Variants in SETBP1 observed in about 807,000 individuals in gnomAD.
SETBP1 encodes the protein SET binding protein 1.
A neutral mutation model predicts 101.0 loss-of-function variants in SETBP1; 9 were observed. That is an observed-to-expected ratio of 0.09 (90% confidence interval 0.05 to 0.16). The LOEUF is 0.16. Among genes scored for constraint, SETBP1 ranks in the 10% least tolerant of loss-of-function variants. The pLI is 1.00. For missense variants in SETBP1, 1,858 were observed against 2,033.8 expected (o/e 0.91, Z 1.66); for synonymous variants, 818 against 788.5 (o/e 1.04, Z -0.63).
At chr18:44,757,105 A>T (rs780516019) in intron 2 of SETBP1, among the ~76,000 whole-genome samples, 31 of 152,064 alleles carry the variant, frequency 2.0e-4, no homozygotes, top group Non-Finnish European at 3.5e-4. Context: ...ATCCAAGATA[A>T]GATACAGTTG....
At chr18:45,018,625 T>C (rs1568031106) in intron 4 of SETBP1, among the ~76,000 whole-genome samples, 1 of 152,228 alleles carries the variant, frequency 6.6e-6, no homozygotes, top group Non-Finnish European at 1.5e-5. Flanking sequence ...TGTTATGTGC[T>C]GGATAGATTT....
chr18:44,950,610 A>C lies in SETBP1; in HGVS notation c.1270A>C (p.Ile424Leu). 1.2e-6 allele frequency: 2 copies of C among 1,614,152 alleles called. No homozygotes were observed. The highest frequency in any genetic ancestry group is 1.7e-6 in the Non-Finnish European group (2 of 1,180,038). ...TNHKRKKRQS[I>L]KAVVEKIMPE... Reference sequence around the variant, plus strand: ...CCATAAGAGGAAAAAAAGACAGTCCATTAAAGCGGTGGTGGAAAAGATCAT... The same window carrying C: ...CCATAAGAGGAAAAAAAGACAGTCCCTTAAAGCGGTGGTGGAAAAGATCAT... Residue 424 changes from isoleucine to leucine, a missense_variant, in exon 4 of 6, where the codon ATT becomes CTT. By Grantham distance (5) the Ile-to-Leu change is conservative. Coordinates refer to ENST00000649279, the MANE Select transcript of SETBP1 (RefSeq NM_015559.3).
intron 4 of SETBP1, 127 bp downstream of exon 4, chr18:44,953,467 T>G: frequency 1.2e-6 from 1 of 804,718 alleles, no homozygotes; most frequent in Non-Finnish European, 2.1e-6. Context: ...TTAAAATGGG[T>G]CTCCTTGCAC....
At chr18:44,696,723 C>T (rs1380545685) in intron 1 of SETBP1, among the ~76,000 whole-genome samples, 1 of 152,180 alleles carries the variant, frequency 6.6e-6, no homozygotes, top group Non-Finnish European at 1.5e-5. Context: ...ACTTTCGTCC[C>T]AACCCATTCA....
chr18:45,007,996 C>T (rs1214738003), intron 4 of SETBP1, among the ~76,000 whole-genome samples: 1 of 152,138 alleles, frequency 6.6e-6, no homozygotes, highest in Non-Finnish European at 1.5e-5. Flanking sequence ...CTTCAGAGCT[C>T]CTGAGATACC....
At chr18:45,044,456 C>T (rs920142495) in intron 5 of SETBP1, among the ~76,000 whole-genome samples, 11 of 152,296 alleles carry the variant, frequency 7.2e-5, no homozygotes, top group East Asian at 1.9e-4. Flanking sequence ...CCAAGGGACT[C>T]GGCAGGGTTG....
Position 44,951,826 on chromosome 18 carries a change from T to G in SETBP1, c.2486T>G (p.Leu829Arg). Residue 829 changes from leucine to arginine, a missense_variant, in exon 4 of 6, where the codon CTG becomes CGG. Physicochemically the swap from Leu to Arg is moderately radical, Grantham distance 102. Transcript: ENST00000649279. The surrounding 1 kb of genome is among the most constrained non-coding windows in gnomAD (Gnocchi z 7.8). The part of the protein sequence containing the change: ...QKGIHSGTWK[L>R]SPPRLMANSP... ...GGAATACACAGTGGAACCTGGAAGCTGTCTCCACCCAGACTGATGGCCAAC... is the reference window on the plus strand; with the variant it reads ...GGAATACACAGTGGAACCTGGAAGCGGTCTCCACCCAGACTGATGGCCAAC... The G allele has an allele frequency of 6.2e-7, 1 of 1,614,084 alleles. No homozygotes were observed. Among genetic ancestry groups the G allele is most frequent in the Non-Finnish European group, 8.5e-7 (1 of 1,180,032 alleles).
chr18:44,682,546 T>A (rs1484316589), intron 1 of SETBP1, among the ~76,000 whole-genome samples: 2 of 152,186 alleles, frequency 1.3e-5, no homozygotes, highest in African/African-American at 4.8e-5. Flanking sequence ...TGAGCTCTTT[T>A]GCTCTGACGA....
At chr18:45,047,849 G>C (rs982377449) in intron 5 of SETBP1, among the ~76,000 whole-genome samples, 4 of 152,032 alleles carry the variant, frequency 2.6e-5, no homozygotes, top group African/African-American at 9.7e-5. Context: ...GTGTGACAAA[G>C]ACAGAGAGAG....
Position 45,059,508 on chromosome 18 carries a change from G to A in SETBP1, c.4172-3571G>A, listed in dbSNP as rs116300061. Among the ~76,000 whole-genome samples the A allele has an allele frequency of 1.9e-3, 291 of 151,986 alleles. 3 individuals are homozygous for A. Among genetic ancestry groups the A allele is most frequent in the African/African-American group, 6.7e-3 (278 of 41,458 alleles). Reference sequence around the variant, plus strand: ...CAGTTTCATCTTCTCCCTGCCCTGCGATTTATTTGTGGAAGACACCAGGTT... The same window carrying A: ...CAGTTTCATCTTCTCCCTGCCCTGCAATTTATTTGTGGAAGACACCAGGTT... On this transcript the variant is annotated intron_variant, in intron 5 of 5. Transcript: ENST00000649279.
chr18:44,780,542 A>T (rs749571295), intron 2 of SETBP1, among the ~76,000 whole-genome samples: 10 of 152,212 alleles, frequency 6.6e-5, no homozygotes, highest in Non-Finnish European at 1.2e-4. Flanking sequence ...GAACTTTTTC[A>T]TCCAAGTCAT....
chr18:44,926,758 AAACAAACAACAAC>A (rs145985168), intron 3 of SETBP1, among the ~76,000 whole-genome samples: 18,264 of 149,770 alleles, frequency 0.12, 1,317 homozygotes, highest in East Asian at 0.32. Context: ...ACAAACAAAC[AAACAAACAACAAC>A]AACAACAACA....
At chr18:44,900,011 T>C (rs1425873928) in intron 3 of SETBP1, among the ~76,000 whole-genome samples, 1 of 152,162 alleles carries the variant, frequency 6.6e-6, no homozygotes, top group Admixed American at 6.5e-5. Flanking sequence ...CAGTCATAGA[T>C]CATGCAATAA....
chr18:44,784,936 C>T (rs1281686012), intron 2 of SETBP1, among the ~76,000 whole-genome samples: 1 of 152,030 alleles, frequency 6.6e-6, no homozygotes, highest in East Asian at 1.9e-4. Context: ...GATTGTGAGA[C>T]ATTTATGTGA....
intron 2 of SETBP1, among the ~76,000 whole-genome samples, chr18:44,747,222 C>T (rs1224760902): frequency 6.6e-6 from 1 of 152,174 alleles, no homozygotes; most frequent in Admixed American, 6.5e-5. Flanking sequence ...CCTTCATGAC[C>T]CCCAGGGGTT....
chr18:44,943,897 C>T (rs1052920009), intron 3 of SETBP1, among the ~76,000 whole-genome samples: 13 of 150,360 alleles, frequency 8.6e-5, no homozygotes, highest in Non-Finnish European at 1.5e-4. Context: ...TACAGTGGTA[C>T]GATCTCAGCT....
chr18:44,799,011 A>G (rs1428990701), intron 2 of SETBP1, among the ~76,000 whole-genome samples: 7 of 152,254 alleles, frequency 4.6e-5, no homozygotes, highest in Middle Eastern at 3.4e-3. Flanking sequence ...GAATCAATCA[A>G]TTATTTGCTT....
chr18:44,957,494 G>C (rs1048852918), intron 4 of SETBP1, among the ~76,000 whole-genome samples: 2 of 152,104 alleles, frequency 1.3e-5, no homozygotes, highest in African/African-American at 2.4e-5. Context: ...TCCTCATGAT[G>C]AGTGGATTCT....
intron 2 of SETBP1, among the ~76,000 whole-genome samples, chr18:44,787,318 T>G (rs1162070713): frequency 2.0e-5 from 3 of 152,054 alleles, no homozygotes; most frequent in Non-Finnish European, 2.9e-5. Flanking sequence ...ACTTTCAGAG[T>G]CTTCACAAAC....
Sources: allele counts gnomAD v4.1 joint callset (sites outside exome capture counted in the v4.1 genomes callset), GRCh38; gene constraint gnomAD v4.1.1; non-coding constraint Gnocchi (gnomAD v3.1); transcripts MANE v1.5; gene names NCBI Gene and HGNC (gene_info 2026-07-23, HGNC 2026-07-21).